The following PTPN21 variants were observed in gnomAD, a reference collection of about 807,000 sequenced individuals.
PTPN21 encodes the protein tyrosine-protein phosphatase non-receptor type 21.
Under a neutral mutation model 131.8 loss-of-function variants are expected in PTPN21, and 77 were observed. That is an observed-to-expected ratio of 0.58 (90% CI 0.49 to 0.71). The LOEUF (loss-of-function observed/expected upper bound fraction) is 0.71, where lower values mean the gene tolerates loss of function less well. PTPN21 is among the 30% of genes least tolerant of loss of function. The probability of loss-of-function intolerance (pLI) is 0.00; values close to 1 mark genes in which losing one functional copy is unlikely to be tolerated. For synonymous variants in PTPN21, 715 were observed against 621.3 expected (o/e 1.15, Z -2.24); for missense variants, 1,552 against 1,527.1 (o/e 1.02, Z -0.27).
chr14:88,512,487 A>G (rs949123940), intron 3 of PTPN21: 1 of 152,210 alleles, frequency 6.6e-6, no homozygotes, highest in Non-Finnish European at 1.5e-5. Flanking sequence ...ACAGAAATGG[A>G]GCCATTTGTC....
chr14:88,488,654 AAATT>A (rs2077772679), intron 10 of PTPN21, among the ~76,000 whole-genome samples: 1 of 152,112 alleles, frequency 6.6e-6, no homozygotes, highest in African/African-American at 2.4e-5. Flanking sequence ...GACAAAATAA[AAATT>A]AAAAAGGCTG....
chr14:88,544,407 G>A (rs1437102668), intron 2 of PTPN21, among the ~76,000 whole-genome samples: 4 of 152,002 alleles, frequency 2.6e-5, no homozygotes, highest in African/African-American at 7.3e-5. Context: ...ACTACAACAG[G>A]GGATAGGAGT....
At chr14:88,505,163 G>C in intron 5 of PTPN21, 141 bp downstream of exon 5, 2 of 665,150 alleles carry the variant, frequency 3.0e-6, no homozygotes, top group Non-Finnish European at 2.5e-6. Context: ...AGTCACACTT[G>C]AGATGTTTAT....
At chr14:88,475,807 T>C (rs2077540851) in intron 13 of PTPN21, among the ~76,000 whole-genome samples, 2 of 152,234 alleles carry the variant, frequency 1.3e-5, no homozygotes, top group South Asian at 2.1e-4. Context: ...CTTCTCTGCC[T>C]GAAAATGACT....
At chr14:88,505,811 T>C (rs2078079306) in intron 4 of PTPN21, among the ~76,000 whole-genome samples, 1 of 152,190 alleles carries the variant, frequency 6.6e-6, no homozygotes, top group Non-Finnish European at 1.5e-5. Flanking sequence ...TTTTAAAAAA[T>C]TGACAATTCA....
At chr14:88,549,743 C>G (rs561039980) in intron 2 of PTPN21, among the ~76,000 whole-genome samples, 1 of 151,576 alleles carries the variant, frequency 6.6e-6, no homozygotes, top group Non-Finnish European at 1.5e-5. Flanking sequence ...CGATTACAGG[C>G]ACCCACCACC....
At chr14:88,512,254 A>T (rs1240969047) in intron 3 of PTPN21, 2 of 152,184 alleles carry the variant, frequency 1.3e-5, no homozygotes, top group Non-Finnish European at 2.9e-5. Flanking sequence ...TTTATTTTTT[A>T]AAAATGTAAC....
intron 18 of PTPN21, 86 bp downstream of exon 18, chr14:88,468,830 C>CA (rs1460761525): frequency 1.3e-6 from 2 of 1,555,576 alleles, no homozygotes; most frequent in East Asian, 2.2e-5. Context: ...GAAATGTGCG[C>CA]AAAAAGAGCT....
chr14:88,505,507 G>A (rs750405555), intron 4 of PTPN21, 136 bp from the exon 5 acceptor site: 4 of 524,430 alleles, frequency 7.6e-6, no homozygotes, highest in Non-Finnish European at 1.0e-5. Flanking sequence ...GCTATATAAA[G>A]TATATTTTTA....
intron 10 of PTPN21, among the ~76,000 whole-genome samples, chr14:88,493,818 C>T (rs753440913): frequency 5.9e-5 from 9 of 152,160 alleles, no homozygotes; most frequent in Non-Finnish European, 8.8e-5. Context: ...TTCTGGGTGA[C>T]GTACCATTTT....
In PTPN21 at chr14:88,468,054, C is replaced by T. The variant is rs148445079; in HGVS notation, c.*83G>A. On this transcript the variant is annotated 3_prime_UTR_variant, in exon 19 of 19. Coordinates refer to ENST00000556564, the MANE Select transcript of PTPN21 (RefSeq NM_007039.4). ...CCACGCTGCGTGGATCAAGTGTCAA[C>T]GGGAAAGTATGAGTTAGGCAAGCGC... 313 of 1,513,256 alleles carry T rather than the reference C, an allele frequency of 2.1e-4. 2 individuals are homozygous for T. In the East Asian group the frequency reaches 5.7e-3, roughly 28 times the overall value. The allele number at this position is 1,513,256 out of a possible 1,614,324, so 93.7% of individuals were successfully genotyped here.
Position 88,500,797 on chromosome 14 carries a change from A to G in PTPN21, c.750T>C (p.His250=). The stretch of plus-strand genomic sequence containing the variant: ...AAGAAAAATACCTAAATACCACAGG[A>G]TGCCTTCCATTCTTGTGTTTCACAA... The part of the protein sequence containing the change: ...GIFVKHKNGR[H]PVVFRWHDIA... The change falls in exon 8 of 19, where the codon CAT becomes CAC. Residue 250 remains histidine, a synonymous_variant. Coordinates refer to ENST00000556564, the MANE Select transcript of PTPN21 (RefSeq NM_007039.4). The G allele has an allele frequency of 4.3e-6, 7 of 1,611,712 alleles. No individual in the cohort carries two copies. Among genetic ancestry groups the G allele is most frequent in the Non-Finnish European group, 5.9e-6 (7 of 1,177,780 alleles).
chr14:88,518,327 T>C (rs1182991721), intron 2 of PTPN21, among the ~76,000 whole-genome samples: 1 of 108,864 alleles, frequency 9.2e-6, no homozygotes, highest in African/African-American at 3.3e-5. Flanking sequence ...TACGTATATA[T>C]ACACATATAT....
chr14:88,528,216 T>A lies in PTPN21; in HGVS notation c.181-10955A>T, dbSNP rs116945432. Among the ~76,000 whole-genome samples the A allele has an allele frequency of 2.0e-3, 301 of 152,326 alleles. 1 individual carries two copies. The highest frequency in any genetic ancestry group is 3.4e-3 in the Non-Finnish European group (229 of 68,038). Reference sequence around the variant, plus strand: ...GATGGTATTTTGATGGGAATTGCATTGAATTTATATATTGCTTTTGGCAAT... The same window carrying A: ...GATGGTATTTTGATGGGAATTGCATAGAATTTATATATTGCTTTTGGCAAT... On this transcript the variant is annotated intron_variant, in intron 2 of 18. Coordinates refer to ENST00000556564, the MANE Select transcript of PTPN21 (RefSeq NM_007039.4).
At chr14:88,492,806 CCT>C (rs1307859328) in intron 10 of PTPN21, 3 of 214,486 alleles carry the variant, frequency 1.4e-5, no homozygotes, top group Non-Finnish European at 9.6e-6. Flanking sequence ...GCTCTTCTCC[CCT>C]GTGACTCCCA....
intron 2 of PTPN21, among the ~76,000 whole-genome samples, chr14:88,544,216 G>T (rs569594508): frequency 6.6e-6 from 1 of 151,966 alleles, no homozygotes; most frequent in African/African-American, 2.4e-5. Flanking sequence ...GTGGTGGCAG[G>T]TGCCTGTAAT....
At chr14:88,490,399 G>A (rs2077805817) in intron 10 of PTPN21, among the ~76,000 whole-genome samples, 3 of 152,000 alleles carry the variant, frequency 2.0e-5, no homozygotes, top group Non-Finnish European at 2.9e-5. Flanking sequence ...CTCCACCAGG[G>A]GTCCATGTCC....
chr14:88,510,582 T>C (rs1478608902), intron 3 of PTPN21, among the ~76,000 whole-genome samples: 1 of 152,184 alleles, frequency 6.6e-6, no homozygotes, highest in Non-Finnish European at 1.5e-5. Context: ...GTATGTTACA[T>C]GACAGTCCAC....
chr14:88,502,683 AT>A (rs2078028473), intron 6 of PTPN21, among the ~76,000 whole-genome samples: 1 of 152,208 alleles, frequency 6.6e-6, no homozygotes, highest in Admixed American at 6.5e-5. Context: ...AGGCAGGACA[AT>A]GTGTGCCTGA....
Sources: gnomAD v4.1 joint callset for allele counts (sites outside exome capture counted in the v4.1 genomes callset) on GRCh38, gnomAD v4.1.1 for gene constraint, MANE v1.5 for transcripts, NCBI Gene and HGNC (gene_info 2026-07-23, HGNC 2026-07-21) for gene names.